Variants in MUCL3 observed in about 807,000 individuals in gnomAD.
MUCL3 encodes the protein mucin like 3.
Under a neutral mutation model 70.2 loss-of-function variants are expected in MUCL3, and 42 were observed. That is an observed-to-expected ratio of 0.60 (90% CI 0.47 to 0.77). The LOEUF is 0.77. MUCL3 is among the 30% of genes least tolerant of loss of function. The pLI, the probability that MUCL3 is intolerant of heterozygous loss-of-function variation, is 0.00. For missense variants in MUCL3, 1,429 were observed against 1,670.0 expected, an observed-to-expected ratio of 0.86 and a Z score of 2.52; for synonymous variants, 522 against 647.0, an observed-to-expected ratio of 0.81 and a Z score of 2.93.
At chr6:30,948,411 TATC>T in intron 1 of MUCL3, 133 bp from the exon 2 acceptor site, 1 of 692,702 alleles carries the variant, frequency 1.4e-6, no homozygotes, top group South Asian at 2.2e-5. Flanking sequence ...GGGGAATAGA[TATC>T]ATAGTATTCA....
intron 2 of MUCL3, 134 bp downstream of exon 2, chr6:30,952,633 G>A (rs1760768742): frequency 1.9e-6 from 2 of 1,029,768 alleles, no homozygotes; most frequent in Non-Finnish European, 2.7e-6. Context: ...AGTAATAGAG[G>A]GAGAGTTTTG....
At chr6:30,945,645 AAAC>A (rs563638482) in intron 1 of MUCL3, among the ~76,000 whole-genome samples, 399 of 150,902 alleles carry the variant, frequency 2.6e-3, no homozygotes, top group Non-Finnish European at 4.7e-3. Context: ...ACTCTATCTC[AAAC>A]AACAACAACA....
chr6:30,948,618 C>T lies in MUCL3; in HGVS notation c.154C>T (p.Pro52Ser). The T allele has an allele frequency of 6.4e-7, 1 of 1,551,522 alleles. No individual in the cohort carries two copies. Among genetic ancestry groups the T allele is most frequent in the Non-Finnish European group, 8.7e-7 (1 of 1,146,956 alleles). The part of the protein sequence containing the change: ...STSDHIFPLT[P>S]GLVYSIPFDH... ...ATCCGATCACATATTTCCCCTCACT[C>T]CAGGCCTTGTTTATAGTATCCCTTT... The change falls in exon 2 of 3, where the codon CCA becomes TCA. Residue 52 changes from proline to serine, a missense_variant. Physicochemically the swap from Pro to Ser is moderately conservative, Grantham distance 74 (BLOSUM62 -1). Transcript: ENST00000462446.
At chr6:30,946,263 T>C (rs1410444989) in intron 1 of MUCL3, 1 of 152,254 alleles carries the variant, frequency 6.6e-6, no homozygotes, top group Non-Finnish European at 1.5e-5. Context: ...GAGTCTTCCA[T>C]GGTCCATACT....
Position 30,945,029 on chromosome 6 carries a change from T to G in MUCL3, c.83-3518T>G, listed in dbSNP as rs1169789432. Among the ~76,000 whole-genome samples, 4 of 152,232 alleles carry G rather than the reference T, an allele frequency of 2.6e-5. 1 individual carries two copies. In the South Asian group the frequency reaches 6.2e-4, roughly 24 times the overall value. ...ATCTGAGTCTAGTTATGGACTGTGA[T>G]CCTGTGGTTTAATGACAACTGGTAT... On this transcript the variant is annotated intron_variant, in intron 1 of 2. Transcript: ENST00000462446.
intron 1 of MUCL3, among the ~76,000 whole-genome samples, chr6:30,943,483 C>A (rs1795664104): frequency 6.6e-6 from 1 of 151,930 alleles, no homozygotes; most frequent in African/African-American, 2.4e-5. Flanking sequence ...CAGATTAAAT[C>A]ATCACAGGGA....
Position 30,951,761 on chromosome 6 carries a change from A to T in MUCL3, c.3297A>T (p.Pro1099=), listed in dbSNP as rs1255919836. The stretch of plus-strand genomic sequence containing the variant: ...CGTCGGCCAATGAGAAGATCACACC[A>T]TCCCTAGCAAAGCCTACAGAACATG... ...KTTSANEKIT[P]SLAKPTEHGE... is the part of the protein sequence containing the mutation. Residue 1099 remains proline, a synonymous_variant, in exon 2 of 3, where the codon CCA becomes CCT. Transcript: ENST00000462446. 9 of 1,554,130 alleles carry T rather than the reference A, an allele frequency of 5.8e-6. No homozygotes were observed. The highest frequency in any genetic ancestry group is 8.7e-7 in the Non-Finnish European group (1 of 1,148,398).
intron 1 of MUCL3, among the ~76,000 whole-genome samples, chr6:30,946,653 A>G (rs946967216): frequency 1.3e-5 from 2 of 152,236 alleles, no homozygotes; most frequent in Non-Finnish European, 2.9e-5. Context: ...ATATATGAAC[A>G]GCACCTTTCA....
In MUCL3 at chr6:30,952,987, G is replaced by A. The variant is rs746858529; in HGVS notation, c.4052G>A (p.Arg1351Gln). The A allele has an allele frequency of 8.7e-6, 14 of 1,614,024 alleles. No individual in the cohort carries two copies. The highest frequency in any genetic ancestry group is 1.7e-5 in the Admixed American group (1 of 60,008). The change falls in exon 3 of 3, where the codon CGG becomes CAG. Residue 1351 changes from arginine (R) to glutamine (Q), a missense_variant. Physicochemically the swap from Arg to Gln is conservative, Grantham distance 43. Coordinates refer to ENST00000462446, the MANE Select transcript of MUCL3 (RefSeq NM_080870.4). Reference sequence around the variant, plus strand: ...CAATCACAGGTCTCCTATATGATGCGGACACGCCGCACACTAACCCAGAAC... The same window carrying A: ...CAATCACAGGTCTCCTATATGATGCAGACACGCCGCACACTAACCCAGAAC... ...GLIFLVSYMM[R>Q]TRRTLTQNTQ...
At chr6:30,947,528 T>G (rs1295642272) in intron 1 of MUCL3, among the ~76,000 whole-genome samples, 14 of 152,002 alleles carry the variant, frequency 9.2e-5, no homozygotes. Context: ...TGGCCTTCAC[T>G]CTTTTGGCTA....
In MUCL3 at chr6:30,950,313, C is replaced by A; in HGVS notation, c.1849C>A (p.Pro617Thr). The A allele has an allele frequency of 6.5e-7, 1 of 1,549,792 alleles. No homozygotes were observed. The highest frequency in any genetic ancestry group is 8.7e-7 in the Non-Finnish European group (1 of 1,146,640). ...RTPLANENTT[P>T]SPAEPTENRE... ...TCCACTGGCCAATGAGAACACCACA[C>A]CATCCCCGGCAGAGCCTACAGAAAA... is the stretch of plus-strand genomic sequence containing the variant. Residue 617 changes from proline to threonine, a missense_variant, in exon 2 of 3, where the codon CCA (proline) becomes ACA (threonine). Coordinates refer to ENST00000462446, the MANE Select transcript of MUCL3 (RefSeq NM_080870.4).
chr6:30,941,503 A>T (rs1205192497), intron 1 of MUCL3, among the ~76,000 whole-genome samples: 1 of 128,648 alleles, frequency 7.8e-6, no homozygotes, highest in Non-Finnish European at 1.6e-5. Context: ...TCTGTTGCCT[A>T]GGCTGGAGTG....
In MUCL3 at chr6:30,942,337, G is replaced by A. The variant is rs9461640; in HGVS notation, c.82+1256G>A. Among the ~76,000 whole-genome samples the A allele has an allele frequency of 4.7e-3, 718 of 152,264 alleles. 7 individuals carry two copies. The highest frequency in any genetic ancestry group is 0.016 in the African/African-American group (685 of 41,528). On this transcript the variant is annotated intron_variant, in intron 1 of 2. Coordinates refer to ENST00000462446, the MANE Select transcript of MUCL3 (RefSeq NM_080870.4). Reference sequence around the variant, plus strand: ...GAGCAGAGATGCTGAACACAGGGGCGGTGTGGAGGGCCTGGGCAATTTGGA... The same window carrying A: ...GAGCAGAGATGCTGAACACAGGGGCAGTGTGGAGGGCCTGGGCAATTTGGA...
intron 1 of MUCL3, among the ~76,000 whole-genome samples, chr6:30,947,161 G>A (rs1236898327): frequency 1.3e-5 from 2 of 152,074 alleles, no homozygotes; most frequent in Non-Finnish European, 2.9e-5. Flanking sequence ...CACATCCTGG[G>A]GCCGGGGAAG....
intron 1 of MUCL3, among the ~76,000 whole-genome samples, chr6:30,943,212 G>A (rs1327785909): frequency 1.3e-5 from 2 of 152,148 alleles, no homozygotes; most frequent in Non-Finnish European, 2.9e-5. Flanking sequence ...CTAGATCCTG[G>A]AACCCCAGAG....
intron 1 of MUCL3, among the ~76,000 whole-genome samples, chr6:30,948,049 A>G (rs1379572283): frequency 1.3e-5 from 2 of 152,230 alleles, no homozygotes; most frequent in African/African-American, 2.4e-5. Context: ...CAGCTATGCC[A>G]TAGAAAGAAG....
chr6:30,949,950 G>T lies in MUCL3; in HGVS notation c.1486G>T (p.Ala496Ser). ...TANEKTTPSP[A>S]EPTENGQRTP... Reference sequence around the variant, plus strand: ...CAATGAGAAGACCACACCATCCCCAGCAGAGCCTACAGAAAATGGACAAAG... The same window carrying T: ...CAATGAGAAGACCACACCATCCCCATCAGAGCCTACAGAAAATGGACAAAG... Residue 496 changes from alanine to serine, a missense_variant, in exon 2 of 3, where the codon GCA becomes TCA. Physicochemically the swap from Ala to Ser is moderately conservative, Grantham distance 99. Transcript: ENST00000462446. 6.5e-7 allele frequency: 1 copy of T among 1,550,012 alleles called. No homozygotes were observed. The highest frequency in any genetic ancestry group is 8.7e-7 in the Non-Finnish European group (1 of 1,146,816).
At chr6:30,948,469 C>T (rs1760410234) in intron 1 of MUCL3, 78 bp from the exon 2 acceptor site, 1 of 1,138,242 alleles carries the variant, frequency 8.8e-7, no homozygotes, top group African/African-American at 1.6e-5. Flanking sequence ...CAAAGAGATC[C>T]CCTAGAGAAG....
chr6:30,952,403 G>T lies in MUCL3; in HGVS notation c.3939G>T (p.Gln1313His). The T allele has an allele frequency of 1.9e-6, 3 of 1,614,138 alleles. No individual in the cohort carries two copies. Among genetic ancestry groups the T allele is most frequent in the Non-Finnish European group, 2.5e-6 (3 of 1,180,016 alleles). Residue 1313 changes from glutamine (Q) to histidine (H), a missense_variant, in exon 2 of 3, where the codon CAG (glutamine) becomes CAT (histidine). Transcript: ENST00000462446. The stretch of plus-strand genomic sequence containing the variant: ...CACAGAAAGGTATCCACGCTGGACA[G>T]ATGGGAGAGAATGATTCATTCCCTG... ...DGSQKGIHAGQMGENDSFPAW... is the reference protein window; with the variant it reads ...DGSQKGIHAGHMGENDSFPAW...
Sources: gnomAD v4.1 joint callset for allele counts (sites outside exome capture counted in the v4.1 genomes callset) on GRCh38, gnomAD v4.1.1 for gene constraint, MANE v1.5 for transcripts, NCBI Gene and HGNC (gene_info 2026-07-23, HGNC 2026-07-21) for gene names.